DIP2C: variants seen among roughly 807,000 people sequenced by gnomAD.
DIP2C encodes disco-interacting protein 2 homolog C.
In DIP2C, 33 loss-of-function variants were observed where a neutral mutation model predicts 192.4. That is an observed-to-expected ratio of 0.17 (90% CI 0.13 to 0.23). DIP2C has a LOEUF of 0.23. Among genes scored for constraint, DIP2C ranks in the 10% least tolerant of loss-of-function variants. The probability of loss-of-function intolerance (pLI) is 1.00; values close to 1 mark genes in which losing one functional copy is unlikely to be tolerated. For synonymous variants in DIP2C, 979 were observed against 864.1 expected (o/e 1.13, Z -2.33); for missense variants, 1,537 against 2,110.1 (o/e 0.73, Z 5.32).
chr10:665,546 G>C (rs775571188), intron 1 of DIP2C: 16 of 152,082 alleles, frequency 1.1e-4, no homozygotes, highest in Non-Finnish European at 2.1e-4. Context: ...ATTTCCAAAA[G>C]GAAAGCACAC....
intron 3 of DIP2C, among the ~76,000 whole-genome samples, chr10:442,372 G>A (rs929008283): frequency 2.0e-5 from 3 of 150,310 alleles, no homozygotes; most frequent in Non-Finnish European, 2.9e-5. Context: ...TCTCTAACTA[G>A]ATAAAGAGCC....
chr10:296,660 T>C (rs1452188339), intron 32 of DIP2C, among the ~76,000 whole-genome samples: 1 of 151,962 alleles, frequency 6.6e-6, no homozygotes, highest in African/African-American at 2.4e-5. Flanking sequence ...AATGATAGAC[T>C]GGATTAAGAA....
chr10:665,630 G>A (rs1283684427), intron 1 of DIP2C: 1 of 152,148 alleles, frequency 6.6e-6, no homozygotes, highest in Admixed American at 6.6e-5. Context: ...GCCACGTGAC[G>A]AGGCACACGC....
intron 18 of DIP2C, among the ~76,000 whole-genome samples, chr10:368,834 T>C (rs1173573351): frequency 2.0e-5 from 3 of 152,138 alleles, no homozygotes; most frequent in African/African-American, 4.8e-5. Flanking sequence ...AAGAGACGGG[T>C]TCCCTTTCTG....
intron 10 of DIP2C, among the ~76,000 whole-genome samples, chr10:392,594 C>T (rs1350487683): frequency 6.6e-6 from 1 of 152,234 alleles, no homozygotes; most frequent in African/African-American, 2.4e-5. Context: ...CGCCAGCCCT[C>T]AGCACAGCTC....
intron 1 of DIP2C, among the ~76,000 whole-genome samples, chr10:545,993 G>C (rs1451617305): frequency 6.6e-6 from 1 of 152,164 alleles, no homozygotes; most frequent in Admixed American, 6.5e-5. Context: ...GCTTTCTCAT[G>C]AGGCCGGGCA....
At chr10:562,985 G>A (rs1849296493) in intron 1 of DIP2C, among the ~76,000 whole-genome samples, 2 of 152,234 alleles carry the variant, frequency 1.3e-5, no homozygotes, top group Non-Finnish European at 2.9e-5. Flanking sequence ...CTACTGCCTT[G>A]CAGAATCCTC....
intron 3 of DIP2C, among the ~76,000 whole-genome samples, chr10:462,883 A>C (rs1480063060): frequency 6.6e-6 from 1 of 152,220 alleles, no homozygotes; most frequent in Non-Finnish European, 1.5e-5. Context: ...AATAAATGTA[A>C]TCCATCACAT....
At position 550,063 on chromosome 10, in the gene DIP2C, G is replaced by A. The variant is rs754945751; in HGVS notation, c.86-63533C>T. On this transcript the variant is annotated intron_variant, in intron 1 of 36. Coordinates refer to ENST00000280886, the MANE Select transcript of DIP2C (RefSeq NM_014974.3). ...CTCCCTCTGTCGCCCAGGCTGGAGTGCAGTATCACAATCTCAGCTTGCTGC... is the reference window on the plus strand; with the variant it reads ...CTCCCTCTGTCGCCCAGGCTGGAGTACAGTATCACAATCTCAGCTTGCTGC... Among the ~76,000 whole-genome samples the A allele has an allele frequency of 8.1e-5, 12 of 148,570 alleles. No individual in the cohort carries two copies. The South Asian group carries it at 1.5e-3, about 19-fold the overall frequency.
intron 32 of DIP2C, among the ~76,000 whole-genome samples, chr10:308,725 C>T (rs1048823251): frequency 1.3e-5 from 2 of 152,236 alleles, no homozygotes; most frequent in Admixed American, 1.3e-4. Context: ...AGGGCTCCTA[C>T]GTGGCCACCA....
chr10:572,898 C>T (rs917157522), intron 1 of DIP2C, among the ~76,000 whole-genome samples: 1 of 152,126 alleles, frequency 6.6e-6, no homozygotes, highest in African/African-American at 2.4e-5. Context: ...AAACAGGCAG[C>T]CGGAAGATTG....
intron 1 of DIP2C, among the ~76,000 whole-genome samples, chr10:592,582 G>A (rs1454731717): frequency 6.6e-6 from 1 of 152,142 alleles, no homozygotes; most frequent in Non-Finnish European, 1.5e-5. Flanking sequence ...ACAGGTGTCT[G>A]CTTAGAAAGG....
chr10:392,303 G>A (rs1343701364), intron 10 of DIP2C, among the ~76,000 whole-genome samples: 1 of 152,206 alleles, frequency 6.6e-6, no homozygotes, highest in Non-Finnish European at 1.5e-5. Context: ...ACTGTCACAA[G>A]ACGGAGGAAC....
intron 29 of DIP2C, among the ~76,000 whole-genome samples, chr10:332,093 G>A (rs1254429178): frequency 6.6e-6 from 1 of 152,056 alleles, no homozygotes; most frequent in African/African-American, 2.4e-5. Flanking sequence ...AGAGACTAGA[G>A]GCACATACCA....
chr10:548,504 CAGGA>C (rs1352279891), intron 1 of DIP2C, among the ~76,000 whole-genome samples: 37 of 120,402 alleles, frequency 3.1e-4, no homozygotes, highest in African/African-American at 1.5e-3. Context: ...GTGATGTGGC[CAGGA>C]GGGAGGGAGG....
chr10:478,849 G>A (rs1268207010), intron 2 of DIP2C, among the ~76,000 whole-genome samples: 5 of 152,142 alleles, frequency 3.3e-5, no homozygotes, highest in Admixed American at 3.3e-4. Context: ...GGTGCAGATA[G>A]CAACGTCTCT....
At chr10:392,838 GCA>G (rs767783265) in intron 10 of DIP2C, among the ~76,000 whole-genome samples, 16 of 151,452 alleles carry the variant, frequency 1.1e-4, no homozygotes, top group Admixed American at 2.6e-4. Context: ...ACACGCCCAC[GCA>G]CACACACGTC....
At chr10:618,955 A>G (rs1564276992) in intron 1 of DIP2C, among the ~76,000 whole-genome samples, 1 of 152,158 alleles carries the variant, frequency 6.6e-6, no homozygotes, top group African/African-American at 2.4e-5. Context: ...AATACTTCCA[A>G]TTCTTCTTTC....
intron 1 of DIP2C, among the ~76,000 whole-genome samples, chr10:657,956 T>C (rs1856490785): frequency 6.6e-6 from 1 of 150,726 alleles, no homozygotes. Flanking sequence ...CCCCTGGACC[T>C]GTCCCTGGAC....
Sources: allele counts gnomAD v4.1 joint callset (sites outside exome capture counted in the v4.1 genomes callset), GRCh38; gene constraint gnomAD v4.1.1; transcripts MANE v1.5; gene names NCBI Gene and HGNC (gene_info 2026-07-23, HGNC 2026-07-21).